Variants in LIPG observed in about 807,000 individuals in gnomAD.
LIPG encodes lipase G, endothelial type, also known as endothelial lipase.
A neutral mutation model predicts 51.8 loss-of-function variants in LIPG; 34 were observed. The ratio of observed to expected loss-of-function variants is 0.66; its 90% CI spans 0.50 to 0.87. The LOEUF (loss-of-function observed/expected upper bound fraction) is 0.87. Ranked by LOEUF, LIPG falls within the 40% of genes least tolerant of loss-of-function variation. LIPG has a pLI of 0.00. For missense variants in LIPG, 580 were observed against 652.7 expected, an observed-to-expected ratio of 0.89 and a Z score of 1.21; for synonymous variants, 246 against 246.1, an observed-to-expected ratio of 1.00 and a Z score of 0.00.
In LIPG at chr18:49,593,918, C is replaced by T. The variant is rs530674133; in HGVS notation, c.*3396C>T. On this transcript the variant is annotated 3_prime_UTR_variant, in exon 10 of 10. Transcript: ENST00000261292. ...ATTTGTGGGGAAAATAGTGATGTTT[C>T]GATACATACAAGGTATAGTGATCAT... 3.9e-5 allele frequency: 6 copies of T among 152,204 alleles called. No homozygotes were observed. The highest frequency in any genetic ancestry group is 2.1e-4 in the South Asian group (1 of 4,806). 9.4% of individuals were successfully genotyped at this position (152,204 alleles called of 1,614,324 possible). A position where few individuals can be genotyped will look rare whatever the true frequency, so the allele number is the denominator to read the frequency against.
At chr18:49,571,631 G>A (rs1427555772) in intron 4 of LIPG, among the ~76,000 whole-genome samples, 1 of 152,184 alleles carries the variant, frequency 6.6e-6, no homozygotes, top group East Asian at 1.9e-4. Context: ...GTCTGATGGG[G>A]GAGGCTGCGT....
At chr18:49,578,691 T>C (rs1213007644) in intron 5 of LIPG, among the ~76,000 whole-genome samples, 1 of 149,492 alleles carries the variant, frequency 6.7e-6, no homozygotes, top group Non-Finnish European at 1.5e-5. Context: ...GTGTAGGTTG[T>C]AGTGAGCCGA....
intron 1 of LIPG, among the ~76,000 whole-genome samples, chr18:49,562,911 G>C (rs2084566602): frequency 6.6e-6 from 1 of 152,206 alleles, no homozygotes; most frequent in South Asian, 2.1e-4. Context: ...GTGCTTAGAA[G>C]CTGCCGGGCC....
chr18:49,580,761 C>A (rs897591679), intron 5 of LIPG, among the ~76,000 whole-genome samples: 3 of 152,198 alleles, frequency 2.0e-5, no homozygotes, highest in African/African-American at 7.2e-5. Context: ...GGCTGTATAG[C>A]CCTATTAGGA....
At chr18:49,584,901 G>T (rs1487140651) in intron 8 of LIPG, among the ~76,000 whole-genome samples, 2 of 152,010 alleles carry the variant, frequency 1.3e-5, no homozygotes, top group East Asian at 3.9e-4. Flanking sequence ...TTTCCATTTG[G>T]GTTTAGATAT....
At chr18:49,580,008 T>G (rs2084801677) in intron 5 of LIPG, among the ~76,000 whole-genome samples, 1 of 152,074 alleles carries the variant, frequency 6.6e-6, no homozygotes, top group Non-Finnish European at 1.5e-5. Context: ...GAGGTGGAGT[T>G]TCTCCATTTT....
chr18:49,567,370 T>C (rs2084616251), intron 2 of LIPG, 72 bp from the exon 3 acceptor site: 1 of 1,480,948 alleles, frequency 6.8e-7, no homozygotes, highest in Non-Finnish European at 9.3e-7. Context: ...GAGGGTCATA[T>C]AGAAAGGAAT....
intron 6 of LIPG, among the ~76,000 whole-genome samples, chr18:49,582,109 C>T (rs2084826546): frequency 6.6e-6 from 1 of 152,160 alleles, no homozygotes; most frequent in Admixed American, 6.5e-5. Flanking sequence ...GGTCCTTAAT[C>T]CAGGGGCACG....
At chr18:49,570,877 G>A (rs765008767) in intron 4 of LIPG, among the ~76,000 whole-genome samples, 15 of 152,150 alleles carry the variant, frequency 9.9e-5, no homozygotes, top group Admixed American at 2.0e-4. Context: ...GCTAAATAAC[G>A]ATTTGGTAAA....
chr18:49,584,199 T>G (rs2084858778), intron 8 of LIPG, among the ~76,000 whole-genome samples: 1 of 152,168 alleles, frequency 6.6e-6, no homozygotes, highest in Non-Finnish European at 1.5e-5. Flanking sequence ...CCCCCATGGA[T>G]GAGGTCTGTG....
chr18:49,567,387 T>G, intron 2 of LIPG, 55 bp from the exon 3 acceptor site: 2 of 1,559,402 alleles, frequency 1.3e-6, no homozygotes, highest in Non-Finnish European at 1.8e-6. Context: ...GAATTCCATA[T>G]TTTTTAGGAT....
intron 6 of LIPG, chr18:49,581,995 CA>C: frequency 1.7e-6 from 1 of 580,434 alleles, no homozygotes; most frequent in South Asian, 2.2e-5. Flanking sequence ...ACCAAAATGA[CA>C]TGTTACATTT....
intron 9 of LIPG, chr18:49,589,751 C>G (rs1167565989): frequency 6.5e-6 from 1 of 152,826 alleles, no homozygotes; most frequent in African/African-American, 2.4e-5. Flanking sequence ...TGTGCCCAGT[C>G]AGGATGGCTA....
chr18:49,590,238 A>T, intron 9 of LIPG: 2 of 580,138 alleles, frequency 3.4e-6, no homozygotes, highest in Non-Finnish European at 6.3e-6. Flanking sequence ...TGTAAATGCA[A>T]GAACTGTGAT....
In LIPG at chr18:49,596,302, G is replaced by C. The variant is rs1600576510; in HGVS notation, c.*5780G>C. Reference sequence around the variant, plus strand: ...CAATTAGAATAAGAAAATTTAAATAGAACAATGAATATTAAATAAACTAAA... The same window carrying C: ...CAATTAGAATAAGAAAATTTAAATACAACAATGAATATTAAATAAACTAAA... On this transcript the variant is annotated 3_prime_UTR_variant, in exon 10 of 10. Coordinates refer to ENST00000261292, the MANE Select transcript of LIPG (RefSeq NM_006033.4). 1 of 151,940 alleles carries C rather than the reference G, an allele frequency of 6.6e-6. No homozygotes were observed. The highest frequency in any genetic ancestry group is 2.4e-5 in the African/African-American group (1 of 41,374). 9.4% of individuals were successfully genotyped at this position (151,940 alleles called of 1,614,324 possible).
chr18:49,574,024 A>T (rs2148850186), intron 4 of LIPG, among the ~76,000 whole-genome samples: 1 of 152,340 alleles, frequency 6.6e-6, no homozygotes, highest in African/African-American at 2.4e-5. Context: ...GGCAATAAAA[A>T]GGTCTCCAGG....
Position 49,569,499 on chromosome 18 carries a change from G to C in LIPG, c.522G>C (p.Val174=). 1 of 1,614,200 alleles carries C rather than the reference G, an allele frequency of 6.2e-7. No homozygotes were observed. The highest frequency in any genetic ancestry group is 8.5e-7 in the Non-Finnish European group (1 of 1,180,050). Residue 174 remains valine (V), a synonymous_variant, in exon 4 of 10, where the codon GTG becomes GTC. Transcript: ENST00000261292. ...HLIGYSLGAH[V]AGYAGNFVKG... Reference sequence around the variant, plus strand: ...TCGGCTACAGCCTCGGAGCGCACGTGGCCGGGTATGCAGGCAACTTCGTGA... The same window carrying C: ...TCGGCTACAGCCTCGGAGCGCACGTCGCCGGGTATGCAGGCAACTTCGTGA...
chr18:49,582,310 C>T (rs370130990), intron 6 of LIPG, 52 bp from the exon 7 acceptor site: 16 of 1,613,032 alleles, frequency 9.9e-6, no homozygotes, highest in Non-Finnish European at 1.2e-5. Context: ...TCAGGGGTCT[C>T]CTGTGATGAC....
intron 6 of LIPG, 76 bp downstream of exon 6, chr18:49,581,733 G>A: frequency 6.4e-7 from 1 of 1,560,402 alleles, no homozygotes. Context: ...GCAGAGCAGG[G>A]CACATCCTAG....
Sources: gnomAD v4.1 joint callset for allele counts (sites outside exome capture counted in the v4.1 genomes callset) on GRCh38, gnomAD v4.1.1 for gene constraint, MANE v1.5 for transcripts, NCBI Gene and HGNC (gene_info 2026-07-23, HGNC 2026-07-21) for gene names.